Variants in KIF26B observed in about 807,000 individuals in gnomAD.
The protein encoded by KIF26B is kinesin family member 26B.
KIF26B carries 63 observed loss-of-function variants against 151.2 expected under a neutral mutation model. The ratio of observed to expected loss-of-function variants is 0.42; its 90% confidence interval spans 0.34 to 0.51. The LOEUF (loss-of-function observed/expected upper bound fraction) is 0.51, where lower values mean the gene tolerates loss of function less well. Ranked by LOEUF, KIF26B falls within the 20% of genes least tolerant of loss-of-function variation. The pLI is 0.07. For synonymous variants in KIF26B, 1,357 were observed against 1,262.1 expected, an observed-to-expected ratio of 1.08 and a Z score of -1.59; for missense variants, 2,813 against 2,913.6, an observed-to-expected ratio of 0.97 and a Z score of 0.79.
chr1:245,555,426 C>A (rs1012670532), intron 5 of KIF26B, among the ~76,000 whole-genome samples: 1 of 152,142 alleles, frequency 6.6e-6, no homozygotes, highest in Non-Finnish European at 1.5e-5. Context: ...TCATTTCAGG[C>A]CAGCTTTCTC....
intron 3 of KIF26B, among the ~76,000 whole-genome samples, chr1:245,391,047 T>A (rs1673687803): frequency 1.3e-5 from 2 of 151,940 alleles, no homozygotes; most frequent in African/African-American, 4.8e-5. Context: ...ACTAAAATAT[T>A]TTTCTGGTAA....
chr1:245,448,700 T>G (rs770310887), intron 4 of KIF26B, among the ~76,000 whole-genome samples: 16 of 152,222 alleles, frequency 1.1e-4, no homozygotes, highest in Non-Finnish European at 1.8e-4. Context: ...CTGTCTTAAC[T>G]CCTCTCAGTT....
intron 5 of KIF26B, among the ~76,000 whole-genome samples, chr1:245,586,488 GTA>G (rs1334287917): frequency 6.6e-6 from 1 of 152,150 alleles, no homozygotes; most frequent in Non-Finnish European, 1.5e-5. Context: ...TCTGGGTTAA[GTA>G]CAGACTTTTT....
intron 4 of KIF26B, among the ~76,000 whole-genome samples, chr1:245,432,781 G>A (rs1471708755): frequency 6.6e-6 from 1 of 152,162 alleles, no homozygotes; most frequent in East Asian, 1.9e-4. Context: ...CAGGGCCATT[G>A]TCTATCAGCT....
At chr1:245,351,603 G>A (rs1255511388) in intron 2 of KIF26B, among the ~76,000 whole-genome samples, 1 of 152,190 alleles carries the variant, frequency 6.6e-6, no homozygotes, top group Non-Finnish European at 1.5e-5. Context: ...TCAGCAGCAG[G>A]GGATAAGTGT....
intron 4 of KIF26B, among the ~76,000 whole-genome samples, chr1:245,429,031 C>T (rs1326918519): frequency 6.6e-6 from 1 of 152,104 alleles, no homozygotes; most frequent in African/African-American, 2.4e-5. Flanking sequence ...AATAAGCAAA[C>T]AGAAAGCTGG....
intron 2 of KIF26B, among the ~76,000 whole-genome samples, chr1:245,201,702 T>G (rs922079943): frequency 6.6e-6 from 1 of 152,180 alleles, no homozygotes; most frequent in Non-Finnish European, 1.5e-5. Context: ...CAGAAGTCAT[T>G]ATCTACTATT....
At chr1:245,522,686 G>A (rs183183560) in intron 4 of KIF26B, among the ~76,000 whole-genome samples, 144 of 152,268 alleles carry the variant, frequency 9.5e-4, no homozygotes, top group African/African-American at 3.2e-3. Flanking sequence ...GACTAGAAAC[G>A]AGACCCTCCC....
At chr1:245,165,334 G>A (rs1483990234) in intron 2 of KIF26B, among the ~76,000 whole-genome samples, 1 of 152,208 alleles carries the variant, frequency 6.6e-6, no homozygotes, top group Non-Finnish European at 1.5e-5. Context: ...CAGGGAAAGT[G>A]TGTGGGTGGT....
At position 245,706,738 on chromosome 1, in the gene KIF26B, G is replaced by T. The variant is rs2044845919; in HGVS notation, c.*4132G>T. 1 of 152,150 alleles carries T rather than the reference G, an allele frequency of 6.6e-6. No homozygotes were observed. The highest frequency in any genetic ancestry group is 6.6e-5 in the Admixed American group (1 of 15,266). 9.4% of individuals were successfully genotyped at this position (152,150 alleles called of 1,614,324 possible). A position where few individuals can be genotyped will look rare whatever the true frequency, so the allele number is the denominator to read the frequency against. On this transcript the variant is annotated 3_prime_UTR_variant, in exon 15 of 15. Transcript: ENST00000407071. ...CCTGGGGCCTCCATGCTGCCGCCGGGGTATGTGGCCCAGCTGTCCCCCCAT... is the reference window on the plus strand; with the variant it reads ...CCTGGGGCCTCCATGCTGCCGCCGGTGTATGTGGCCCAGCTGTCCCCCCAT...
rs2044233547 is a variant in KIF26B, at chr1:245,667,830, G to A, written c.2259-16403G>A. 6.6e-6 allele frequency among the ~76,000 whole-genome samples: 1 copy of A among 152,178 alleles called. No individual in the cohort carries two copies. Among genetic ancestry groups the A allele is most frequent in the Non-Finnish European group, 1.5e-5 (1 of 68,022 alleles). Reference sequence around the variant, plus strand: ...ACAAACAAAAGGGACCAAAGAGGTGGCATGAGTAGCATGAGTCAGATGTGA... The same window carrying A: ...ACAAACAAAAGGGACCAAAGAGGTGACATGAGTAGCATGAGTCAGATGTGA... On this transcript the variant is annotated intron_variant, in intron 10 of 14. Coordinates refer to ENST00000407071, the MANE Select transcript of KIF26B (RefSeq NM_018012.4). The surrounding 1 kb of genome is among the most constrained non-coding windows in gnomAD (Gnocchi z 4.3).
chr1:245,345,892 G>T (rs1191870053), intron 2 of KIF26B, among the ~76,000 whole-genome samples: 1 of 150,152 alleles, frequency 6.7e-6, no homozygotes, highest in Non-Finnish European at 1.5e-5. Flanking sequence ...CTCTCTTCTT[G>T]TAAATTCCCC....
intron 4 of KIF26B, among the ~76,000 whole-genome samples, chr1:245,423,183 AT>A (rs1658536533): frequency 6.6e-6 from 1 of 151,952 alleles, no homozygotes; most frequent in African/African-American, 2.4e-5. Flanking sequence ...GAGGGATGGC[AT>A]TTGCTAAATT....
chr1:245,331,221 G>A (rs1432702028), intron 2 of KIF26B, among the ~76,000 whole-genome samples: 4 of 152,070 alleles, frequency 2.6e-5, no homozygotes, highest in East Asian at 1.9e-4. Flanking sequence ...CGCTCTTGCC[G>A]GAGGAGGGTG....
chr1:245,238,866 AC>A (rs1197226638), intron 2 of KIF26B, among the ~76,000 whole-genome samples: 1 of 132,448 alleles, frequency 7.6e-6, no homozygotes, highest in Non-Finnish European at 1.5e-5. Flanking sequence ...GTCTCAAAAA[AC>A]AAAACAAAAC....
At chr1:245,587,831 G>A (rs148410485) in intron 5 of KIF26B, among the ~76,000 whole-genome samples, 11 of 152,258 alleles carry the variant, frequency 7.2e-5, no homozygotes, top group African/African-American at 2.4e-4. Flanking sequence ...AGCTGATTCC[G>A]TATGAAGAGA....
At chr1:245,535,034 C>T (rs1256324784) in intron 4 of KIF26B, among the ~76,000 whole-genome samples, 1 of 152,162 alleles carries the variant, frequency 6.6e-6, no homozygotes, top group Non-Finnish European at 1.5e-5. Context: ...CCACCCACCT[C>T]GGCCTCCCAA....
intron 4 of KIF26B, among the ~76,000 whole-genome samples, chr1:245,492,461 C>G (rs1286813377): frequency 1.3e-5 from 2 of 152,254 alleles, no homozygotes; most frequent in African/African-American, 4.8e-5. Context: ...CTCAGTTTCT[C>G]TTTGTGTATA....
intron 4 of KIF26B, among the ~76,000 whole-genome samples, chr1:245,422,701 A>G (rs1269831583): frequency 6.6e-6 from 1 of 151,508 alleles, no homozygotes; most frequent in Admixed American, 6.6e-5. Flanking sequence ...ACCACTTTCC[A>G]CTCTTCCTGC....
Sources: gnomAD v4.1 joint callset for allele counts (sites outside exome capture counted in the v4.1 genomes callset) on GRCh38, gnomAD v4.1.1 for gene constraint, Gnocchi (gnomAD v3.1) non-coding constraint, MANE v1.5 for transcripts, NCBI Gene and HGNC (gene_info 2026-07-23, HGNC 2026-07-21) for gene names.